Variants in DCAF6 observed in about 807,000 individuals in gnomAD.
DCAF6 encodes DDB1 and CUL4 associated factor 6.
Under a neutral mutation model 125.1 loss-of-function variants are expected in DCAF6, and 54 were observed. That is an observed-to-expected ratio of 0.43 (90% confidence interval 0.35 to 0.54). The LOEUF is 0.54. DCAF6 is among the 20% of genes least tolerant of loss of function. DCAF6 has a pLI of 0.01. For synonymous variants in DCAF6, 371 were observed against 390.4 expected (o/e 0.95, Z 0.58); for missense variants, 934 against 1,161.7 (o/e 0.80, Z 2.85).
In DCAF6 at chr1:167,991,305, A is replaced by G. The variant is rs1170141419; in HGVS notation, c.654A>G (p.Ile218Met). ...GTTGTTCTGACAGCTCAGTACGAAT[A>G]TATGATCGGCGAATGCTGGGCACAA... ...AVGCSDSSVR[I>M]YDRRMLGTRA... The change falls in exon 6 of 22, where the codon ATA (isoleucine) becomes ATG (methionine). Residue 218 changes from isoleucine (I) to methionine (M), a missense_variant. By Grantham distance (10) the Ile-to-Met change is conservative. Transcript: ENST00000367840. 1.1e-5 allele frequency: 18 copies of G among 1,613,228 alleles called. No individual in the cohort carries two copies. The highest frequency in any genetic ancestry group is 2.7e-5 in the African/African-American group (2 of 74,892).
intron 17 of DCAF6, among the ~76,000 whole-genome samples, chr1:168,054,503 G>C (rs1690353541): frequency 6.6e-6 from 1 of 152,190 alleles, no homozygotes; most frequent in African/African-American, 2.4e-5. Context: ...TGGGGATTAA[G>C]TTTCACCATG....
At chr1:168,006,688 T>C (rs1683384344) in intron 10 of DCAF6, among the ~76,000 whole-genome samples, 1 of 152,232 alleles carries the variant, frequency 6.6e-6, no homozygotes, top group Non-Finnish European at 1.5e-5. Context: ...GATGGAAATG[T>C]CAGCTTAGGA....
In DCAF6 at chr1:168,075,611, T is replaced by G. The variant is rs185145822; in HGVS notation, c.*176T>G. 3.0e-5 allele frequency: 16 copies of G among 539,490 alleles called. No homozygotes were observed. The East Asian group carries it at 4.6e-4, about 16-fold the overall frequency. The allele number at this position is 539,490 out of a possible 1,614,324, so 33.4% of individuals were successfully genotyped here. On this transcript the variant is annotated 3_prime_UTR_variant, in exon 22 of 22. Transcript: ENST00000367840. The stretch of plus-strand genomic sequence containing the variant: ...GATTGTGTGCATGAATTTGGGAGAT[T>G]GTATAAAACAAAACTAGCAGAATGT...
intron 5 of DCAF6, 150 bp from the exon 6 acceptor site, chr1:167,991,054 A>G: frequency 1.8e-6 from 1 of 562,926 alleles, no homozygotes; most frequent in Non-Finnish European, 2.8e-6. Context: ...GTTAAAAGAA[A>G]GCCGTATTGT....
At chr1:167,939,642 A>G (rs976299988) in intron 1 of DCAF6, among the ~76,000 whole-genome samples, 4 of 152,162 alleles carry the variant, frequency 2.6e-5, no homozygotes, top group African/African-American at 9.7e-5. Context: ...GTACGCCTGT[A>G]GTCTCAGCTC....
chr1:168,054,112 CTTT>C (rs897335082), intron 17 of DCAF6, among the ~76,000 whole-genome samples: 7 of 152,100 alleles, frequency 4.6e-5, no homozygotes, highest in African/African-American at 1.7e-4. Context: ...ACATATAGAA[CTTT>C]TTTATTGATA....
the DCAF6 span, among the ~76,000 whole-genome samples, chr1:167,925,931 T>C: frequency 2.0e-5 from 3 of 152,216 alleles, no homozygotes; most frequent in African/African-American, 7.2e-5. Context: ...TCTTATGCTT[T>C]TAATAGTTTT....
chr1:167,975,120 A>T lies in DCAF6; in HGVS notation c.438+105A>T, dbSNP rs906278977. On this transcript the variant is annotated intron_variant, in intron 4 of 21. Transcript: ENST00000367840. Reference sequence around the variant, plus strand: ...TGTGTACATGTACAGATGTGTGTGTATGCACATTTGATGCATATAAATTAT... The same window carrying T: ...TGTGTACATGTACAGATGTGTGTGTTTGCACATTTGATGCATATAAATTAT... 3 of 614,022 alleles carry T rather than the reference A, an allele frequency of 4.9e-6. No homozygotes were observed. The African/African-American group carries it at 5.8e-5, about 12-fold the overall frequency. The allele number at this position is 614,022 out of a possible 1,614,324, so 38.0% of individuals were successfully genotyped here. A position where few individuals can be genotyped will look rare whatever the true frequency, so the allele number is the denominator to read the frequency against.
chr1:168,073,148 C>T (rs1361277682), intron 21 of DCAF6, among the ~76,000 whole-genome samples: 2 of 151,920 alleles, frequency 1.3e-5, no homozygotes, highest in Non-Finnish European at 2.9e-5. Context: ...TGCACTCCAG[C>T]CTGGGCGATA....
the DCAF6 span, chr1:167,920,038 C>T: frequency 1.2e-6 from 2 of 1,613,424 alleles, no homozygotes; most frequent in South Asian, 1.1e-5. Context: ...TAACAGCAAA[C>T]AGACTCCAAT....
chr1:167,936,649 G>A (rs1160130922), upstream of DCAF6: 1 of 402,996 alleles, frequency 2.5e-6, no homozygotes, highest in Admixed American at 4.5e-5. Flanking sequence ...TCCTGTTGGA[G>A]GGGGGCTGAG....
the DCAF6 span, among the ~76,000 whole-genome samples, chr1:167,890,959 T>C: frequency 1.3e-5 from 2 of 151,978 alleles, no homozygotes; most frequent in Admixed American, 1.3e-4. Flanking sequence ...ATTTATTTAT[T>C]TAGTTAGTTA....
intron 21 of DCAF6, 47 bp downstream of exon 21, chr1:168,068,510 TATA>T: frequency 1.0e-6 from 1 of 973,608 alleles, no homozygotes; most frequent in South Asian, 3.3e-5. Context: ...TATTTGAAAA[TATA>T]TTATTATTTA....
the DCAF6 span, among the ~76,000 whole-genome samples, chr1:167,914,413 G>T: frequency 6.6e-6 from 1 of 152,218 alleles, no homozygotes; most frequent in South Asian, 2.1e-4. Flanking sequence ...ATCATCAGAA[G>T]TATCTCCAGA....
intron 20 of DCAF6, among the ~76,000 whole-genome samples, chr1:168,067,292 G>A (rs930616876): frequency 1.3e-5 from 2 of 152,120 alleles, no homozygotes; most frequent in Non-Finnish European, 2.9e-5. Context: ...GTGTAAAAAA[G>A]ATAAGGCCCT....
chr1:167,872,828 T>C, the DCAF6 span, among the ~76,000 whole-genome samples: 1 of 150,304 alleles, frequency 6.7e-6, no homozygotes, highest in African/African-American at 2.5e-5. Flanking sequence ...TCCCAGCACT[T>C]TGGGAGGCCA....
intron 12 of DCAF6, among the ~76,000 whole-genome samples, chr1:168,034,303 C>G (rs906935352): frequency 1.8e-4 from 28 of 152,064 alleles, no homozygotes; most frequent in Non-Finnish European, 2.9e-5. Context: ...TCACTTGAGG[C>G]CAGGAGTTCA....
At chr1:167,907,235 C>CTACT in the DCAF6 span, among the ~76,000 whole-genome samples, 1 of 152,190 alleles carries the variant, frequency 6.6e-6, no homozygotes, top group African/African-American at 2.4e-5. Context: ...AAAGATGAGG[C>CTACT]TACTCATGGA....
intron 10 of DCAF6, 123 bp from the exon 11 acceptor site, chr1:168,015,658 T>C: frequency 1.2e-6 from 1 of 808,170 alleles, no homozygotes; most frequent in South Asian, 3.5e-5. Context: ...AATTTGTTTA[T>C]AGTATTCCTC....
Sources: gnomAD v4.1 joint callset for allele counts (sites outside exome capture counted in the v4.1 genomes callset) on GRCh38, gnomAD v4.1.1 for gene constraint, MANE v1.5 for transcripts, NCBI Gene and HGNC (gene_info 2026-07-23, HGNC 2026-07-21) for gene names.